ADAMTSL3: variants seen among roughly 807,000 people sequenced by gnomAD.
ADAMTSL3 encodes the protein ADAMTS like 3.
A neutral mutation model predicts 201.7 loss-of-function variants in ADAMTSL3; 128 were observed. The observed-to-expected ratio is 0.63, with a 90% CI of 0.55 to 0.73. The LOEUF (loss-of-function observed/expected upper bound fraction) is 0.73, where lower values mean the gene tolerates loss of function less well. Ranked by LOEUF, ADAMTSL3 falls within the 30% of genes least tolerant of loss-of-function variation. The probability of loss-of-function intolerance (pLI) is 0.00; values close to 1 mark genes in which losing one functional copy is unlikely to be tolerated. For synonymous variants in ADAMTSL3, 738 were observed against 748.4 expected, an observed-to-expected ratio of 0.99 and a Z score of 0.23; for missense variants, 1,990 against 2,119.6, an observed-to-expected ratio of 0.94 and a Z score of 1.20.
rs192634629 is a variant in ADAMTSL3, at chr15:83,731,475, G to A, written c.189+26967G>A. 2.0e-3 allele frequency among the ~76,000 whole-genome samples: 301 copies of A among 152,186 alleles called. 2 individuals carry two copies. The highest frequency in any genetic ancestry group is 7.0e-3 in the African/African-American group (292 of 41,554). ...GTTGGTGGGAATGTAAATTAGTGCA[G>A]CTATTTTAGAAAACAGTATGGAGGT... On this transcript the variant is annotated intron_variant, in intron 3 of 29. Coordinates refer to ENST00000286744, the MANE Select transcript of ADAMTSL3 (RefSeq NM_207517.3).
chr15:84,016,545 G>T, intron 25 of ADAMTSL3, 46 bp downstream of exon 25: 1 of 1,454,676 alleles, frequency 6.9e-7, no homozygotes. Context: ...TGAGGCATGT[G>T]TAAGGAAAAG....
At chr15:83,808,190 A>T (rs2063632379) in intron 5 of ADAMTSL3, among the ~76,000 whole-genome samples, 1 of 152,240 alleles carries the variant, frequency 6.6e-6, no homozygotes, top group African/African-American at 2.4e-5. Flanking sequence ...GAGTAAAGAG[A>T]TAACCTGAAG....
intron 3 of ADAMTSL3, among the ~76,000 whole-genome samples, chr15:83,745,616 A>G (rs1288732552): frequency 1.3e-5 from 2 of 152,074 alleles, no homozygotes; most frequent in African/African-American, 4.8e-5. Context: ...GTTGAGTGCA[A>G]TAGGTTCCAG....
At chr15:83,761,133 T>G (rs1042606156) in intron 3 of ADAMTSL3, among the ~76,000 whole-genome samples, 5 of 151,818 alleles carry the variant, frequency 3.3e-5, no homozygotes, top group African/African-American at 1.2e-4. Flanking sequence ...CTCTTTTCTG[T>G]TTTTTTTAGT....
intron 9 of ADAMTSL3, among the ~76,000 whole-genome samples, chr15:83,877,463 CTGTT>C (rs930647841): frequency 2.3e-4 from 35 of 152,260 alleles, no homozygotes; most frequent in African/African-American, 8.2e-4. Context: ...TTTCATTGAT[CTGTT>C]TGTTTATTTG....
intron 2 of ADAMTSL3, among the ~76,000 whole-genome samples, chr15:83,677,938 TTC>T (rs34231485): frequency 2.5e-4 from 37 of 149,436 alleles, no homozygotes; most frequent in Admixed American, 4.0e-4. Context: ...AGTTTTCATT[TTC>T]TCTCTCTCTC....
At chr15:83,808,597 A>G (rs538626667) in intron 5 of ADAMTSL3, among the ~76,000 whole-genome samples, 3 of 152,348 alleles carry the variant, frequency 2.0e-5, no homozygotes, top group African/African-American at 7.2e-5. Flanking sequence ...AAATAGAACT[A>G]CAATATGATC....
intron 19 of ADAMTSL3, among the ~76,000 whole-genome samples, chr15:83,951,329 C>G (rs2066753447): frequency 6.6e-6 from 1 of 152,060 alleles, no homozygotes; most frequent in Non-Finnish European, 1.5e-5. Flanking sequence ...GATTGATTTG[C>G]ATGTGTTAAG....
intron 2 of ADAMTSL3, among the ~76,000 whole-genome samples, chr15:83,684,915 T>C (rs2061516753): frequency 6.6e-6 from 1 of 152,226 alleles, no homozygotes; most frequent in African/African-American, 2.4e-5. Context: ...TACTAGCTTT[T>C]GGAAAAATTA....
At chr15:83,827,209 G>C (rs2064043874) in intron 6 of ADAMTSL3, among the ~76,000 whole-genome samples, 1 of 152,166 alleles carries the variant, frequency 6.6e-6, no homozygotes. Flanking sequence ...CATTCTAACT[G>C]GTGTGAGATG....
intron 17 of ADAMTSL3, among the ~76,000 whole-genome samples, chr15:83,925,276 C>A (rs2066226188): frequency 6.6e-6 from 1 of 152,174 alleles, no homozygotes; most frequent in South Asian, 2.1e-4. Context: ...GGTGAAATCA[C>A]ACCCGCCATG....
chr15:83,906,818 CT>C (rs1181954839), intron 15 of ADAMTSL3, among the ~76,000 whole-genome samples: 2 of 151,946 alleles, frequency 1.3e-5, no homozygotes, highest in African/African-American at 2.4e-5. Context: ...TTTATACCTG[CT>C]TTTTTGCTCT....
intron 3 of ADAMTSL3, among the ~76,000 whole-genome samples, chr15:83,734,935 G>A (rs895800255): frequency 6.6e-6 from 1 of 152,020 alleles, no homozygotes; most frequent in African/African-American, 2.4e-5. Context: ...TTTGAACACC[G>A]ACAGAAAGTA....
At chr15:83,882,695 A>G (rs921983683) in intron 9 of ADAMTSL3, among the ~76,000 whole-genome samples, 5 of 152,228 alleles carry the variant, frequency 3.3e-5, no homozygotes, top group Non-Finnish European at 7.3e-5. Flanking sequence ...ACTTGGTTAT[A>G]GAATTCTAGA....
chr15:83,971,083 A>G (rs924720625), intron 20 of ADAMTSL3, among the ~76,000 whole-genome samples: 4 of 152,262 alleles, frequency 2.6e-5, no homozygotes, highest in Non-Finnish European at 5.9e-5. Flanking sequence ...AAAACATGAA[A>G]GAACTTTGAT....
rs2068408974 is a variant in ADAMTSL3, at chr15:84,031,475, C to T, written c.4754+43C>T. 3 of 1,517,454 alleles carry T rather than the reference C, an allele frequency of 2.0e-6. No homozygotes were observed. The East Asian group carries it at 6.8e-5, about 34-fold the overall frequency. 94.0% of individuals were successfully genotyped at this position (1,517,454 alleles called of 1,614,324 possible). ...GAGCAGCACACATTCTCTCCTGACT[C>T]ACTCAGGACAATGATTATAACTGCC... On this transcript the variant is annotated intron_variant, in intron 28 of 29. Transcript: ENST00000286744.
chr15:83,989,162 G>A (rs1211561944), intron 22 of ADAMTSL3, among the ~76,000 whole-genome samples: 2 of 152,316 alleles, frequency 1.3e-5, no homozygotes, highest in South Asian at 2.1e-4. Context: ...GATTACAGGC[G>A]TGAGCCACCG....
At chr15:83,994,757 T>A (rs1031148708) in intron 23 of ADAMTSL3, among the ~76,000 whole-genome samples, 15 of 133,810 alleles carry the variant, frequency 1.1e-4, no homozygotes, top group African/African-American at 4.0e-4. Context: ...CCACCATGCC[T>A]GGCTATTTTT....
chr15:83,661,691 T>G (rs1311953048), intron 2 of ADAMTSL3, among the ~76,000 whole-genome samples: 1 of 151,908 alleles, frequency 6.6e-6, no homozygotes, highest in African/African-American at 2.4e-5. Flanking sequence ...AGGGCTAATA[T>G]CCAGAATCTA....
Sources: gnomAD v4.1 joint callset for allele counts (sites outside exome capture counted in the v4.1 genomes callset) on GRCh38, gnomAD v4.1.1 for gene constraint, MANE v1.5 for transcripts, NCBI Gene and HGNC (gene_info 2026-07-23, HGNC 2026-07-21) for gene names.